The following SIRPB1 variants were observed in gnomAD, a reference collection of about 807,000 sequenced individuals.
SIRPB1 encodes signal-regulatory protein beta-1.
SIRPB1 carries 28 observed loss-of-function variants against 34.1 expected under a neutral mutation model. The observed-to-expected ratio is 0.82, with a 90% CI of 0.61 to 1.12. SIRPB1 has a LOEUF of 1.12. Ranked by LOEUF, SIRPB1 falls within the 50% of genes most tolerant of loss-of-function variation. SIRPB1 has a pLI of 0.00. For synonymous variants in SIRPB1, 211 were observed against 203.8 expected, an observed-to-expected ratio of 1.04 and a Z score of -0.30; for missense variants, 499 against 507.0, an observed-to-expected ratio of 0.98 and a Z score of 0.15.
At chr20:1,616,948 A>T (rs1468604053) in intron 1 of SIRPB1, among the ~76,000 whole-genome samples, 1 of 152,230 alleles carries the variant, frequency 6.6e-6, no homozygotes, top group East Asian at 1.9e-4. Context: ...AAAAATACTC[A>T]GCCTTACTAT....
At chr20:1,570,028 G>A (rs567959012) in intron 4 of SIRPB1, among the ~76,000 whole-genome samples, 1 of 152,338 alleles carries the variant, frequency 6.6e-6, no homozygotes, top group South Asian at 2.1e-4. Context: ...GCCTGGTAGT[G>A]AGCCTGTCCT....
intron 2 of SIRPB1, among the ~76,000 whole-genome samples, chr20:1,573,682 G>C (rs996925248): frequency 6.8e-6 from 1 of 147,338 alleles, no homozygotes. Flanking sequence ...TGCTCTCTCT[G>C]TACCTCTCAG....
At chr20:1,571,199 A>C in intron 3 of SIRPB1, 62 bp from the exon 4 acceptor site, 7 of 1,500,402 alleles carry the variant, frequency 4.7e-6, no homozygotes, top group South Asian at 2.5e-5. Flanking sequence ...GGGAGGGCTA[A>C]ATAACGTAGC....
At chr20:1,612,043 G>A (rs1425031371) in intron 1 of SIRPB1, among the ~76,000 whole-genome samples, 3 of 69,846 alleles carry the variant, frequency 4.3e-5, no homozygotes, top group Admixed American at 1.2e-4. Context: ...TGCCCAGGCC[G>A]GAGTGCAGTG....
chr20:1,617,720 T>C (rs1453275661), intron 1 of SIRPB1, among the ~76,000 whole-genome samples: 2 of 152,200 alleles, frequency 1.3e-5, no homozygotes, highest in African/African-American at 4.8e-5. Flanking sequence ...ACAAGGTAGG[T>C]CATATGTTAA....
rs1209873928 is a variant in SIRPB1, at chr20:1,611,175, G to A, written c.76+8694C>T. 2.8e-5 allele frequency among the ~76,000 whole-genome samples: 2 copies of A among 72,202 alleles called. 1 individual carries two copies. Among genetic ancestry groups the A allele is most frequent in the Admixed American group, 2.2e-4 (2 of 8,932 alleles). 47.4% of individuals were successfully genotyped at this position (72,202 alleles called of 152,430 possible). ...CATCATTTCCAAGCCGTGGAGCCTC[G>A]AGCGACTGCCATGACATCTCCAAGC... On this transcript the variant is annotated intron_variant, in intron 1 of 5. Transcript: ENST00000381605.
At chr20:1,616,609 TG>T (rs36101433) in intron 1 of SIRPB1, among the ~76,000 whole-genome samples, 27,907 of 152,098 alleles carry the variant, frequency 0.18, 2,990 homozygotes, top group Admixed American at 0.31. Flanking sequence ...GTAAAAGTAC[TG>T]GAAGAAAAGT....
At chr20:1,571,526 C>G (rs1441034449) in intron 3 of SIRPB1, among the ~76,000 whole-genome samples, 194 bp downstream of exon 3, 1 of 152,232 alleles carries the variant, frequency 6.6e-6, no homozygotes, top group Non-Finnish European at 1.5e-5. Context: ...TAGCCCAGAG[C>G]TTGGCACATG....
At chr20:1,568,091 A>G (rs2091167849) in intron 4 of SIRPB1, among the ~76,000 whole-genome samples, 1 of 152,238 alleles carries the variant, frequency 6.6e-6, no homozygotes, top group Admixed American at 6.5e-5. Flanking sequence ...AAAGATTGTC[A>G]GTTGACTTCA....
At chr20:1,576,638 G>T (rs1449842390) in intron 2 of SIRPB1, among the ~76,000 whole-genome samples, 1 of 148,270 alleles carries the variant, frequency 6.7e-6, no homozygotes, top group Admixed American at 6.7e-5. Context: ...CAGGCATGGT[G>T]GCTCACGCCT....
intron 1 of SIRPB1, among the ~76,000 whole-genome samples, chr20:1,579,318 G>T (rs1475287578): frequency 6.7e-6 from 1 of 148,232 alleles, no homozygotes; most frequent in Admixed American, 6.7e-5. Context: ...GCCCTCCTCG[G>T]AAGTGCCATG....
chr20:1,571,582 C>T (rs895675674), intron 3 of SIRPB1, 138 bp downstream of exon 3: 20 of 1,253,036 alleles, frequency 1.6e-5, no homozygotes, highest in South Asian at 5.8e-5. Flanking sequence ...AGTAAGTGAC[C>T]GGCTCACCTA....
In SIRPB1 at chr20:1,610,461, T is replaced by C. The variant is rs545606724; in HGVS notation, c.76+9408A>G. On this transcript the variant is annotated intron_variant, in intron 1 of 5. Coordinates refer to ENST00000381605, the MANE Select transcript of SIRPB1 (RefSeq NM_006065.5). ...GGCTGGATGGTCTGAAGGTCCTTCC[T>C]GTGCTGACATTCCATAATTCAGGAC... Among the ~76,000 whole-genome samples the C allele has an allele frequency of 1.6e-3, 118 of 72,712 alleles. 51 individuals carry two copies. The highest frequency in any genetic ancestry group is 0.01 in the African/African-American group (116 of 11,488). 47.7% of individuals were successfully genotyped at this position (72,712 alleles called of 152,430 possible).
Position 1,562,577 on chromosome 20 carries a change from G to A in SIRPB1, c.*2923C>T, listed in dbSNP as rs2091090126. Among the ~76,000 whole-genome samples, 1 of 151,968 alleles carries A rather than the reference G, an allele frequency of 6.6e-6. No individual in the cohort carries two copies. Among genetic ancestry groups the A allele is most frequent in the African/African-American group, 2.4e-5 (1 of 41,352 alleles). ...AAGTAACATCAGTCCCACAACACAA[G>A]TCTCAAAATTTAGGTGCCATAGTAA... On this transcript the variant is annotated 3_prime_UTR_variant, in exon 6 of 6. Transcript: ENST00000381605.
rs1295795175 is a variant in SIRPB1, at chr20:1,565,078, G to T, written c.*422C>A. 7.5e-6 allele frequency: 3 copies of T among 398,612 alleles called. No homozygotes were observed. Among genetic ancestry groups the T allele is most frequent in the Non-Finnish European group, 1.3e-5 (3 of 226,092 alleles). The allele number at this position is 398,612 out of a possible 1,614,324, so 24.7% of individuals were successfully genotyped here. ...TTTTTTTCTTAAAATTGGTATAGGG[G>T]TTCATGTGTATTCAGGAGGCAGTAG... On this transcript the variant is annotated 3_prime_UTR_variant, in exon 6 of 6. Coordinates refer to ENST00000381605, the MANE Select transcript of SIRPB1 (RefSeq NM_006065.5).
At chr20:1,582,095 A>G (rs1310273411) in intron 1 of SIRPB1, among the ~76,000 whole-genome samples, 1 of 49,208 alleles carries the variant, frequency 2.0e-5, no homozygotes, top group Non-Finnish European at 3.9e-5. Flanking sequence ...TAAAATCAAC[A>G]GACACTCCTG....
Position 1,578,648 on chromosome 20 carries a change from G to C in SIRPB1, c.123C>G (p.Ser41=), listed in dbSNP as rs780527931. The C allele has an allele frequency of 6.3e-7, 1 of 1,584,032 alleles. No individual in the cohort carries two copies. The highest frequency in any genetic ancestry group is 8.6e-7 in the Non-Finnish European group (1 of 1,157,550). Residue 41 remains serine, a synonymous_variant, in exon 2 of 6, where the codon TCC becomes TCG. Coordinates refer to ENST00000381605, the MANE Select transcript of SIRPB1 (RefSeq NM_006065.5). ...DELQVIQPEK[S]VSVAAGESAT... is the part of the protein sequence containing the mutation. ...CCGACTCTCCAGCTGCAACTGATAC[G>C]GACTTTTCAGGCTGAATCACCTGTA...
At chr20:1,566,727 A>G (rs1194561138) in intron 4 of SIRPB1, among the ~76,000 whole-genome samples, 2 of 152,180 alleles carry the variant, frequency 1.3e-5, no homozygotes, top group Non-Finnish European at 2.9e-5. Context: ...CTCCAGGATC[A>G]TGAGAATGAT....
intron 5 of SIRPB1, among the ~76,000 whole-genome samples, 197 bp from the exon 6 acceptor site, chr20:1,565,694 C>CT (rs1266091304): frequency 6.6e-6 from 1 of 150,690 alleles, no homozygotes; most frequent in East Asian, 2.0e-4. Flanking sequence ...AGTCCTGATG[C>CT]TCCCTCTTCC....
Sources: gnomAD v4.1 joint callset for allele counts (sites outside exome capture counted in the v4.1 genomes callset) on GRCh38, gnomAD v4.1.1 for gene constraint, MANE v1.5 for transcripts, NCBI Gene and HGNC (gene_info 2026-07-23, HGNC 2026-07-21) for gene names.